The following OPCML variants were observed in gnomAD, a reference collection of about 807,000 sequenced individuals.
The protein encoded by OPCML is opioid binding protein/cell adhesion molecule like.
OPCML carries 13 observed loss-of-function variants against 37.8 expected under a neutral mutation model. The ratio of observed to expected loss-of-function variants is 0.34; its 90% CI spans 0.22 to 0.55. The LOEUF is 0.55. Among genes scored for constraint, OPCML ranks in the 20% least tolerant of loss-of-function variants. The pLI, the probability that OPCML is intolerant of heterozygous loss-of-function variation, is 0.91. For synonymous variants in OPCML, 176 were observed against 168.8 expected (o/e 1.04, Z -0.33); for missense variants, 341 against 435.6 (o/e 0.78, Z 1.93).
chr11:133,491,143 C>T (rs955839410), intron 1 of OPCML, among the ~76,000 whole-genome samples: 1 of 152,166 alleles, frequency 6.6e-6, no homozygotes, highest in Non-Finnish European at 1.5e-5. Flanking sequence ...AAGGTCTGTG[C>T]AGTGTCGGAT....
At chr11:132,830,993 A>T (rs557314668) in intron 2 of OPCML, among the ~76,000 whole-genome samples, 2 of 152,154 alleles carry the variant, frequency 1.3e-5, no homozygotes. Context: ...AGGTCTCTTT[A>T]AGTTCAGAAT....
chr11:132,511,673 G>A (rs373204374), intron 4 of OPCML, among the ~76,000 whole-genome samples: 13 of 151,938 alleles, frequency 8.6e-5, no homozygotes, highest in East Asian at 5.8e-4. Context: ...TTCCACAGAT[G>A]CTTTTGGATT....
At chr11:132,593,257 A>G (rs2096487406) in intron 3 of OPCML, among the ~76,000 whole-genome samples, 2 of 152,136 alleles carry the variant, frequency 1.3e-5, no homozygotes, top group Admixed American at 1.3e-4. Flanking sequence ...AGAACCAGCA[A>G]GGATGTCGGT....
intron 3 of OPCML, among the ~76,000 whole-genome samples, chr11:132,640,976 C>T (rs1940820742): frequency 6.6e-6 from 1 of 152,148 alleles, no homozygotes; most frequent in African/African-American, 2.4e-5. Flanking sequence ...TGTTGTGGAC[C>T]TTCTCAGGAG....
rs1285710552 is a variant in OPCML at position 132,943,750 on chromosome 11, G to T, written c.62-740C>A. The T allele has an allele frequency of 6.6e-6, 1 of 150,896 alleles. No individual in the cohort carries two copies. Among genetic ancestry groups the T allele is most frequent in the Non-Finnish European group, 1.5e-5 (1 of 67,656 alleles). The allele number at this position is 150,896 out of a possible 1,614,324, so 9.3% of individuals were successfully genotyped here. On this transcript the variant is annotated intron_variant, in intron 1 of 7. Coordinates refer to ENST00000524381, the MANE Select transcript of OPCML (RefSeq NM_001012393.5). This position sits in a 1 kb window ranked among gnomAD's most constrained non-coding sequence, Gnocchi z 4.3. The stretch of plus-strand genomic sequence containing the variant: ...CCGGTCGGCGACTCGCGGCCAGCCG[G>T]GGGAGCGCCGCCCGGCGCAGGCTCC...
intron 7 of OPCML, among the ~76,000 whole-genome samples, chr11:132,427,751 G>A (rs764089628): frequency 7.9e-5 from 12 of 152,286 alleles, no homozygotes; most frequent in Admixed American, 5.9e-4. Flanking sequence ...CACCCTGAAC[G>A]CTCAATGTTA....
intron 2 of OPCML, among the ~76,000 whole-genome samples, chr11:132,708,293 G>T (rs1343717262): frequency 6.6e-6 from 1 of 152,158 alleles, no homozygotes; most frequent in Non-Finnish European, 1.5e-5. Context: ...TAATGAGTTT[G>T]CCTAGAGGAA....
At chr11:133,192,280 G>A (rs1326740620) in intron 1 of OPCML, among the ~76,000 whole-genome samples, 1 of 152,140 alleles carries the variant, frequency 6.6e-6, no homozygotes, top group Non-Finnish European at 1.5e-5. Flanking sequence ...TCCAAATTTG[G>A]ACAGGGAGGA....
At chr11:132,733,218 G>T (rs968403111) in intron 2 of OPCML, among the ~76,000 whole-genome samples, 1 of 152,098 alleles carries the variant, frequency 6.6e-6, no homozygotes, top group African/African-American at 2.4e-5. Flanking sequence ...CCTTGAGAAT[G>T]ATAGTTAAAG....
intron 1 of OPCML, among the ~76,000 whole-genome samples, chr11:132,949,689 AATTT>A (rs1322341544): frequency 6.6e-6 from 1 of 152,258 alleles, no homozygotes; most frequent in Non-Finnish European, 1.5e-5. Flanking sequence ...TTCATTTATG[AATTT>A]ATTTACTAAT....
intron 1 of OPCML, among the ~76,000 whole-genome samples, chr11:133,016,682 T>C (rs2136890275): frequency 6.6e-6 from 1 of 152,304 alleles, no homozygotes; most frequent in South Asian, 2.1e-4. Flanking sequence ...TTAGAAACTT[T>C]GCCTGCCATA....
chr11:132,968,430 C>G (rs1231486085), intron 1 of OPCML, among the ~76,000 whole-genome samples: 2 of 152,192 alleles, frequency 1.3e-5, no homozygotes, highest in Non-Finnish European at 2.9e-5. Flanking sequence ...GGGGCCTGAG[C>G]ATGCTCGCTT....
At chr11:133,041,588 C>T (rs756859400) in intron 1 of OPCML, among the ~76,000 whole-genome samples, 11 of 152,288 alleles carry the variant, frequency 7.2e-5, no homozygotes, top group South Asian at 4.1e-4. Flanking sequence ...CTGGCAACTG[C>T]GTCGCATATA....
intron 4 of OPCML, among the ~76,000 whole-genome samples, chr11:132,460,070 T>C (rs2096095895): frequency 6.6e-6 from 1 of 152,200 alleles, no homozygotes; most frequent in Admixed American, 6.5e-5. Flanking sequence ...TAACAGGTGA[T>C]TTTTCCTTGG....
At chr11:133,202,091 A>G (rs1218538668) in intron 1 of OPCML, among the ~76,000 whole-genome samples, 3 of 152,192 alleles carry the variant, frequency 2.0e-5, no homozygotes, top group African/African-American at 7.2e-5. Context: ...CTGTGAAAAG[A>G]TAGACATAAA....
At chr11:133,280,287 C>G (rs1440832170) in intron 1 of OPCML, among the ~76,000 whole-genome samples, 1 of 152,136 alleles carries the variant, frequency 6.6e-6, no homozygotes, top group Non-Finnish European at 1.5e-5. Flanking sequence ...TTTGCATGAT[C>G]TTAGAAGTAT....
chr11:132,898,924 G>A lies in OPCML; in HGVS notation c.146+44002C>T, dbSNP rs548299839. Among the ~76,000 whole-genome samples the A allele has an allele frequency of 1.4e-3, 216 of 150,020 alleles. 1 individual carries two copies. The highest frequency in any genetic ancestry group is 4.9e-3 in the African/African-American group (196 of 39,900). The stretch of plus-strand genomic sequence containing the variant: ...ATGGTGCTGACTGGGTGACTGATCC[G>A]GATCAGGAAGGGGAAACTGGATTAC... On this transcript the variant is annotated intron_variant, in intron 2 of 7. Transcript: ENST00000524381.
intron 4 of OPCML, among the ~76,000 whole-genome samples, chr11:132,443,193 G>T (rs1405695261): frequency 6.6e-6 from 1 of 152,148 alleles, no homozygotes; most frequent in African/African-American, 2.4e-5. Flanking sequence ...CAACATTTCT[G>T]GGGGCTTGTG....
At chr11:133,482,622 T>C (rs1463317043) in intron 1 of OPCML, among the ~76,000 whole-genome samples, 1 of 152,138 alleles carries the variant, frequency 6.6e-6, no homozygotes, top group Non-Finnish European at 1.5e-5. Flanking sequence ...GAGCCTGTTC[T>C]GTCACCACTG....
Sources: allele counts gnomAD v4.1 joint callset (sites outside exome capture counted in the v4.1 genomes callset), GRCh38; gene constraint gnomAD v4.1.1; non-coding constraint Gnocchi (gnomAD v3.1); transcripts MANE v1.5; gene names NCBI Gene and HGNC (gene_info 2026-07-23, HGNC 2026-07-21).